Variants in IPO11 observed in about 807,000 individuals in gnomAD.
IPO11 encodes the protein importin 11, also known as importin-11.
IPO11 carries 66 observed loss-of-function variants against 143.2 expected under a neutral mutation model. That is an observed-to-expected ratio of 0.46 (90% CI 0.38 to 0.57). The LOEUF (loss-of-function observed/expected upper bound fraction) is 0.57. IPO11 is among the 20% of genes least tolerant of loss of function. IPO11 has a pLI of 0.00. For synonymous variants in IPO11, 385 were observed against 377.8 expected, an observed-to-expected ratio of 1.02 and a Z score of -0.22; for missense variants, 1,026 against 1,141.0, an observed-to-expected ratio of 0.90 and a Z score of 1.45.
Position 62,550,394 on chromosome 5 carries a change from C to T in IPO11, c.2278C>T (p.Pro760Ser). The T allele has an allele frequency of 6.2e-7, 1 of 1,612,450 alleles. No individual in the cohort carries two copies. The highest frequency in any genetic ancestry group is 8.5e-7 in the Non-Finnish European group (1 of 1,179,018). The change falls in exon 25 of 30, where the codon CCA becomes TCA. Residue 760 changes from proline to serine, a missense_variant. Pro to Ser is a moderately conservative substitution (Grantham distance 74, BLOSUM62 -1). Coordinates refer to ENST00000325324, the MANE Select transcript of IPO11 (RefSeq NM_016338.5). The part of the protein sequence containing the change: ...KVVENALKVN[P>S]ILGPQMFQPI... ...TGTGGAAAATGCCCTTAAAGTGAAC[C>T]CAATACTAGGTCCACAAATGTTTCA...
At position 62,594,740 on chromosome 5, in the gene IPO11, G is replaced by A. The variant is rs1354995538; in HGVS notation, c.2678+3068G>A. ...TCAAACTGTTTACACCAGGCACTGT[G>A]TAGTGTGAGGAAGCAACTGAGTCTC... On this transcript the variant is annotated intron_variant, in intron 28 of 29. Coordinates refer to ENST00000325324, the MANE Select transcript of IPO11 (RefSeq NM_016338.5). 2.6e-5 allele frequency among the ~76,000 whole-genome samples: 4 copies of A among 152,326 alleles called. No homozygotes were observed. The East Asian group carries it at 7.7e-4, about 29-fold the overall frequency.
At chr5:62,571,073 G>A (rs537855531) in intron 27 of IPO11, among the ~76,000 whole-genome samples, 3 of 152,204 alleles carry the variant, frequency 2.0e-5, no homozygotes, top group South Asian at 2.1e-4. Context: ...AATGAGTCTC[G>A]TGTGCTTTCT....
Position 62,479,436 on chromosome 5 carries a change from C to T in IPO11, c.828+2683C>T, listed in dbSNP as rs1479921645. Among the ~76,000 whole-genome samples, 5 of 152,132 alleles carry T rather than the reference C, an allele frequency of 3.3e-5. No individual in the cohort carries two copies. In the South Asian group the frequency reaches 1.0e-3, roughly 32 times the overall value. On this transcript the variant is annotated intron_variant, in intron 9 of 29. Transcript: ENST00000325324. ...TCTTTATAGTAGCATGATTTATAATCCTTTGGGTATATAACCAGTAATGGG... is the reference window on the plus strand; with the variant it reads ...TCTTTATAGTAGCATGATTTATAATTCTTTGGGTATATAACCAGTAATGGG...
rs1741490693 is a variant in IPO11, at chr5:62,504,909, A to G, written c.1665+11A>G. 1 of 1,493,052 alleles carries G rather than the reference A, an allele frequency of 6.7e-7. No individual in the cohort carries two copies. Among genetic ancestry groups the G allele is most frequent in the Non-Finnish European group, 9.1e-7 (1 of 1,097,702 alleles). 92.5% of individuals were successfully genotyped at this position (1,493,052 alleles called of 1,614,324 possible). ...GATCAGTTTCTACCGGTAAGAATAT[A>G]CATTTCCAGGTATTTTTTTTAAAAA... On this transcript the variant is annotated intron_variant, in intron 18 of 29. Transcript: ENST00000325324.
chr5:62,531,798 G>C (rs977091892), intron 22 of IPO11, among the ~76,000 whole-genome samples: 5 of 152,032 alleles, frequency 3.3e-5, no homozygotes, highest in African/African-American at 1.2e-4. Flanking sequence ...TAAATTTTTT[G>C]TTACTCTTTT....
chr5:62,568,553 G>A (rs746876488), intron 27 of IPO11, among the ~76,000 whole-genome samples: 5 of 100,106 alleles, frequency 5.0e-5, no homozygotes, highest in Admixed American at 1.6e-4. Context: ...CAACCTGGGC[G>A]ACAGAGCAAG....
intron 16 of IPO11, among the ~76,000 whole-genome samples, chr5:62,496,984 C>A (rs942740028): frequency 6.6e-6 from 1 of 152,158 alleles, no homozygotes; most frequent in African/African-American, 2.4e-5. Context: ...GAAGTTGTTT[C>A]CTCCAGTTGC....
At chr5:62,418,967 C>G in intron 1 of IPO11, 1 of 1,533,308 alleles carries the variant, frequency 6.5e-7, no homozygotes, top group Non-Finnish European at 8.8e-7. Flanking sequence ...AGAAATGGGT[C>G]GTTAGGCAAT....
rs1746659129 is a variant in IPO11, at chr5:62,628,435, T to C, written c.*1117T>C. 2.0e-5 allele frequency: 3 copies of C among 152,788 alleles called. No individual in the cohort carries two copies. Among genetic ancestry groups the C allele is most frequent in the Middle Eastern group, 3.4e-3 (1 of 294 alleles). The allele number at this position is 152,788 out of a possible 1,614,324, so 9.5% of individuals were successfully genotyped here. A position where few individuals can be genotyped will look rare whatever the true frequency, so the allele number is the denominator to read the frequency against. ...AAGCAAGGTTGGAAAATGTTTTATC[T>C]TTCTATAGAAAGTTGGGTACAGTAT... On this transcript the variant is annotated 3_prime_UTR_variant, in exon 30 of 30. Transcript: ENST00000325324.
In IPO11 at chr5:62,561,155, A is replaced by G. The variant is rs2112366309; in HGVS notation, c.2480A>G (p.Asn827Ser). 6.2e-7 allele frequency: 1 copy of G among 1,606,360 alleles called. No individual in the cohort carries two copies. Among genetic ancestry groups the G allele is most frequent in the Non-Finnish European group, 8.5e-7 (1 of 1,176,766 alleles). Residue 827 changes from asparagine to serine, a missense_variant, in exon 27 of 30, where the codon AAT becomes AGT. By Grantham distance (46) the Asn-to-Ser change is conservative (BLOSUM62 1). Coordinates refer to ENST00000325324, the MANE Select transcript of IPO11 (RefSeq NM_016338.5). The stretch of plus-strand genomic sequence containing the variant: ...TTTCAGATGGACCAGCTTTTGGGAA[A>G]TATGATTGAAATGTGGGTTGATCGA... ...FNQEMDQLLG[N>S]MIEMWVDRMD...
chr5:62,497,732 T>C (rs955801680), intron 16 of IPO11, among the ~76,000 whole-genome samples: 7 of 152,216 alleles, frequency 4.6e-5, no homozygotes, highest in Non-Finnish European at 1.0e-4. Context: ...CCTCCCAAAG[T>C]GTTAGGATTA....
At chr5:62,430,560 A>C (rs937308926) in intron 1 of IPO11, among the ~76,000 whole-genome samples, 23 of 151,870 alleles carry the variant, frequency 1.5e-4, no homozygotes, top group African/African-American at 5.3e-4. Context: ...GAGCTCAGGC[A>C]AACTGCCCGC....
chr5:62,580,715 A>C, intron 27 of IPO11: 3 of 1,551,484 alleles, frequency 1.9e-6, no homozygotes, highest in Non-Finnish European at 1.7e-6. Context: ...ATTCATCACA[A>C]GACTACTGCG....
At chr5:62,548,981 A>G (rs1743304684) in intron 24 of IPO11, among the ~76,000 whole-genome samples, 1 of 151,696 alleles carries the variant, frequency 6.6e-6, no homozygotes, top group South Asian at 2.1e-4. Flanking sequence ...CTTACTTTCT[A>G]CTCACAGATA....
chr5:62,432,983 A>G (rs1338299504), intron 1 of IPO11, among the ~76,000 whole-genome samples: 8 of 152,214 alleles, frequency 5.3e-5, no homozygotes, highest in Admixed American at 5.2e-4. Flanking sequence ...GTGGAGTGAT[A>G]CTTGGACACA....
chr5:62,437,580 TTAAA>T (rs1291400353), intron 2 of IPO11, among the ~76,000 whole-genome samples, 163 bp downstream of exon 2: 39 of 152,236 alleles, frequency 2.6e-4, no homozygotes, highest in African/African-American at 8.7e-4. Flanking sequence ...CTTAAGGGTG[TTAAA>T]TAAATATTTA....
intron 3 of IPO11, among the ~76,000 whole-genome samples, chr5:62,445,198 T>C (rs532468841): frequency 7.9e-5 from 12 of 152,216 alleles, no homozygotes; most frequent in South Asian, 6.2e-4. Context: ...TCTGTACTTA[T>C]CAGTTTCATT....
At chr5:62,570,369 T>G (rs1744096387) in intron 27 of IPO11, among the ~76,000 whole-genome samples, 1 of 152,214 alleles carries the variant, frequency 6.6e-6, no homozygotes, top group Admixed American at 6.5e-5. Flanking sequence ...CTTCCTATGT[T>G]AGGATTTGAA....
chr5:62,517,795 A>AGGC (rs1490303771), intron 20 of IPO11, among the ~76,000 whole-genome samples: 3 of 152,242 alleles, frequency 2.0e-5, no homozygotes, highest in African/African-American at 7.2e-5. Context: ...GTGTTACTTC[A>AGGC]AGTAGTCTCA....
Sources: allele counts gnomAD v4.1 joint callset (sites outside exome capture counted in the v4.1 genomes callset), GRCh38; gene constraint gnomAD v4.1.1; transcripts MANE v1.5; gene names NCBI Gene and HGNC (gene_info 2026-07-23, HGNC 2026-07-21).